The following NAA40 variants were observed in gnomAD, a reference collection of about 807,000 sequenced individuals.
The protein encoded by NAA40 is N-alpha-acetyltransferase 40, NatD catalytic subunit, also known as N-alpha-acetyltransferase 40.
In NAA40, 26 loss-of-function variants were observed where a neutral mutation model predicts 36.6. That is an observed-to-expected ratio of 0.71 (90% CI 0.52 to 0.98). The LOEUF is 0.98. Among genes scored for constraint, NAA40 ranks in the 50% least tolerant of loss-of-function variants. The pLI, the probability that NAA40 is intolerant of heterozygous loss-of-function variation, is 0.00. For missense variants in NAA40, 237 were observed against 306.5 expected (o/e 0.77, Z 1.69); for synonymous variants, 129 against 108.4 (o/e 1.19, Z -1.18).
At position 63,952,331 on chromosome 11, in the gene NAA40, CATGTA is replaced by C. The variant is rs1565173423; in HGVS notation, c.251_251+4del. The C allele has an allele frequency of 6.2e-7, 1 of 1,613,772 alleles. No individual in the cohort carries two copies. The highest frequency in any genetic ancestry group is 1.1e-5 in the South Asian group (1 of 91,062). ...ACCTGACCAAAACGAATATGCAAAC[CATGTA>C]AGCTTGTCCCAACCAGGGGAGCCTA... On this transcript the variant is annotated splice_donor_variant and splice_donor_region_variant and coding_sequence_variant and intron_variant, in exon 4 of 8. Transcript: ENST00000377793. LOFTEE classifies it high-confidence loss of function.
intron 1 of NAA40, chr11:63,939,456 C>T (rs1942071008): frequency 1.9e-6 from 2 of 1,073,732 alleles, no homozygotes; most frequent in Non-Finnish European, 1.1e-6. Flanking sequence ...CTGTCACCAG[C>T]TTCGTCGCTT....
chr11:63,943,863 T>G (rs577637700), intron 1 of NAA40, among the ~76,000 whole-genome samples: 1 of 152,332 alleles, frequency 6.6e-6, no homozygotes, highest in African/African-American at 2.4e-5. Flanking sequence ...TATCTCTGTG[T>G]TGTCTTGAAA....
intron 1 of NAA40, 44 bp from the exon 2 acceptor site, chr11:63,945,796 T>C (rs761105960): frequency 6.5e-7 from 1 of 1,548,894 alleles, no homozygotes; most frequent in Non-Finnish European, 8.9e-7. Flanking sequence ...CAGTGCTTGA[T>C]TGGCCACAGC....
chr11:63,947,717 A>C (rs1590754385), intron 3 of NAA40, among the ~76,000 whole-genome samples: 1 of 98,924 alleles, frequency 1.0e-5, no homozygotes, highest in African/African-American at 3.8e-5. Flanking sequence ...CACCTCACTA[A>C]TTTTTGTGGG....
At chr11:63,953,821 G>T (rs1942318725) in intron 6 of NAA40, 151 bp from the exon 7 acceptor site, 1 of 681,016 alleles carries the variant, frequency 1.5e-6, no homozygotes, top group Non-Finnish European at 2.6e-6. Flanking sequence ...GTAGAAATGG[G>T]GTCCCACTAT....
chr11:63,945,544 G>C (rs1221368079), intron 1 of NAA40, among the ~76,000 whole-genome samples: 3 of 152,170 alleles, frequency 2.0e-5, no homozygotes, highest in Non-Finnish European at 4.4e-5. Flanking sequence ...CCTGCTGGGG[G>C]CTGGCCTGCT....
intron 2 of NAA40, 125 bp downstream of exon 2, chr11:63,946,060 T>C: frequency 2.4e-6 from 2 of 822,186 alleles, no homozygotes; most frequent in South Asian, 3.1e-5. Context: ...CTCTGCCTCC[T>C]TGCTGTGCAG....
chr11:63,952,192 C>T lies in NAA40; in HGVS notation c.156-46C>T, dbSNP rs146441284. On this transcript the variant is annotated intron_variant, in intron 3 of 7. Transcript: ENST00000377793. Reference sequence around the variant, plus strand: ...TGAGGGAGGAACAGCAGTGCCCTGGCAGGAGTGCTGTAACCAATTCCGTAC... The same window carrying T: ...TGAGGGAGGAACAGCAGTGCCCTGGTAGGAGTGCTGTAACCAATTCCGTAC... 11 of 1,423,494 alleles carry T rather than the reference C, an allele frequency of 7.7e-6. No homozygotes were observed. The African/African-American group carries it at 1.4e-4, about 18-fold the overall frequency. The allele number at this position is 1,423,494 out of a possible 1,614,324, so 88.2% of individuals were successfully genotyped here. A position where few individuals can be genotyped will look rare whatever the true frequency, so the allele number is the denominator to read the frequency against.
At chr11:63,949,034 T>A (rs11231654) in intron 3 of NAA40, among the ~76,000 whole-genome samples, 2,474 of 151,846 alleles carry the variant, frequency 0.016, 67 homozygotes, top group African/African-American at 0.057. Flanking sequence ...AAAATTTTTT[T>A]AATTAGCTGG....
Position 63,955,141 on chromosome 11 carries a change from C to G in NAA40, c.*662C>G, listed in dbSNP as rs1307344065. On this transcript the variant is annotated 3_prime_UTR_variant, in exon 8 of 8. Transcript: ENST00000377793. ...CTGCCTCTCCATCGCTGTCAGAGAG[C>G]CTGAAAGGACCAACAATGAGGTGTT... 1.3e-5 allele frequency: 2 copies of G among 152,540 alleles called. No individual in the cohort carries two copies. The highest frequency in any genetic ancestry group is 4.8e-5 in the African/African-American group (2 of 41,416). The allele number at this position is 152,540 out of a possible 1,614,324, so 9.4% of individuals were successfully genotyped here. A position where few individuals can be genotyped will look rare whatever the true frequency, so the allele number is the denominator to read the frequency against.
intron 3 of NAA40, 69 bp downstream of exon 3, chr11:63,947,072 G>A (rs1942200099): frequency 1.4e-6 from 2 of 1,466,936 alleles, no homozygotes. Context: ...TTCCAGAGTA[G>A]GCTTCCTCAG....
chr11:63,944,921 A>G (rs1942162434), intron 1 of NAA40, among the ~76,000 whole-genome samples: 2 of 149,782 alleles, frequency 1.3e-5, no homozygotes, highest in Non-Finnish European at 3.0e-5. Context: ...AAAAAAAAGA[A>G]GAGAAAAAAG....
chr11:63,940,937 G>A (rs970124437), intron 1 of NAA40, among the ~76,000 whole-genome samples: 1 of 152,196 alleles, frequency 6.6e-6, no homozygotes, highest in African/African-American at 2.4e-5. Context: ...CTTAGTAACT[G>A]TCTAACCAGA....
At chr11:63,946,506 C>G (rs754298695) in intron 2 of NAA40, 3 of 1,138,130 alleles carry the variant, frequency 2.6e-6, no homozygotes, top group Non-Finnish European at 3.3e-6. Context: ...TGCCCAGCCC[C>G]TGCCTCCATT....
Position 63,939,094 on chromosome 11 carries a change from G to T in NAA40, c.-3G>T, listed in dbSNP as rs927365305. 8 of 1,604,648 alleles carry T rather than the reference G, an allele frequency of 5.0e-6. No homozygotes were observed. The highest frequency in any genetic ancestry group is 1.4e-5 in the African/African-American group (1 of 73,244). Reference sequence around the variant, plus strand: ...GAAGAAGCTGAGCGTTGTCGCCGCCGCTATGGGGGTGAGTGAGGCAGAGAG... The same window carrying T: ...GAAGAAGCTGAGCGTTGTCGCCGCCTCTATGGGGGTGAGTGAGGCAGAGAG... On this transcript the variant is annotated 5_prime_UTR_variant, in exon 1 of 8. Transcript: ENST00000377793.
rs143609518 is a variant in NAA40, at chr11:63,956,416, G to A, written c.*1937G>A. 2.6e-5 allele frequency: 4 copies of A among 152,434 alleles called. No individual in the cohort carries two copies. Among genetic ancestry groups the A allele is most frequent in the Admixed American group, 1.3e-4 (2 of 15,294 alleles). 9.4% of individuals were successfully genotyped at this position (152,434 alleles called of 1,614,324 possible). On this transcript the variant is annotated 3_prime_UTR_variant, in exon 8 of 8. Coordinates refer to ENST00000377793, the MANE Select transcript of NAA40 (RefSeq NM_024771.4). ...CAAGGGGACCAAAAGGGACCCCCCCGTGTTCATCCCTTGTAAGGTGAGTTC... is the reference window on the plus strand; with the variant it reads ...CAAGGGGACCAAAAGGGACCCCCCCATGTTCATCCCTTGTAAGGTGAGTTC...
intron 3 of NAA40, among the ~76,000 whole-genome samples, chr11:63,948,100 C>T (rs1417697574): frequency 6.6e-6 from 1 of 152,172 alleles, no homozygotes; most frequent in East Asian, 1.9e-4. Flanking sequence ...ACTGACCCAC[C>T]TGCCTCAGCC....
intron 3 of NAA40, among the ~76,000 whole-genome samples, chr11:63,947,371 C>T (rs1250766483): frequency 6.6e-6 from 1 of 151,894 alleles, no homozygotes; most frequent in Non-Finnish European, 1.5e-5. Context: ...AGCACCATTG[C>T]ACTCCAGCTT....
chr11:63,947,011 A>T lies in NAA40; in HGVS notation c.155+8A>T. 1 of 1,613,592 alleles carries T rather than the reference A, an allele frequency of 6.2e-7. No homozygotes were observed. The highest frequency in any genetic ancestry group is 1.1e-5 in the South Asian group (1 of 91,072). On this transcript the variant is annotated splice_region_variant and intron_variant, in intron 3 of 7. Coordinates refer to ENST00000377793, the MANE Select transcript of NAA40 (RefSeq NM_024771.4). ...GAAATATGATAGAAACGGGTGAGTC[A>T]CATTGAGCATTACCAACTGCTGTCT... is the stretch of plus-strand genomic sequence containing the variant.
Sources: gnomAD v4.1 joint callset for allele counts (sites outside exome capture counted in the v4.1 genomes callset) on GRCh38, gnomAD v4.1.1 for gene constraint, MANE v1.5 for transcripts, NCBI Gene and HGNC (gene_info 2026-07-23, HGNC 2026-07-21) for gene names.